The following SPG21 variants were observed in gnomAD, a reference collection of about 807,000 sequenced individuals.
SPG21 encodes the protein SPG21 abhydrolase domain containing, maspardin.
A neutral mutation model predicts 38.9 loss-of-function variants in SPG21; 26 were observed. The observed-to-expected ratio is 0.67, with a 90% CI of 0.49 to 0.93. The LOEUF (loss-of-function observed/expected upper bound fraction) is 0.93, where lower values mean the gene tolerates loss of function less well. SPG21 is among the 40% of genes least tolerant of loss of function. SPG21 has a pLI of 0.00. For missense variants in SPG21, 333 were observed against 376.5 expected (o/e 0.88, Z 0.96); for synonymous variants, 136 against 128.9 (o/e 1.05, Z -0.37).
rs545694322 is a variant in SPG21 at position 64,971,818 on chromosome 15, G to A, written c.453-1596C>T. On this transcript the variant is annotated intron_variant, in intron 5 of 8. Transcript: ENST00000204566. ...TGCACTCCAGCCTGGGCAACAGAGC[G>A]AGACTCCCATCTCAAAAAAGAAAAT... 7.6e-4 allele frequency among the ~76,000 whole-genome samples: 116 copies of A among 152,240 alleles called. 1 individual carries two copies. The highest frequency in any genetic ancestry group is 2.5e-3 in the African/African-American group (105 of 41,540).
At chr15:64,966,856 G>A (rs1339087038) in intron 7 of SPG21, among the ~76,000 whole-genome samples, 5 of 152,128 alleles carry the variant, frequency 3.3e-5, no homozygotes, top group East Asian at 1.9e-4. Context: ...CCAAGATCGC[G>A]CCACTGCACT....
intron 7 of SPG21, among the ~76,000 whole-genome samples, chr15:64,966,137 T>C (rs2085536434): frequency 6.6e-6 from 1 of 152,206 alleles, no homozygotes; most frequent in African/African-American, 2.4e-5. Flanking sequence ...AAAAGAACTT[T>C]TTACTTTTAT....
At chr15:64,977,704 A>C (rs991913566) in intron 3 of SPG21, among the ~76,000 whole-genome samples, 5 of 151,662 alleles carry the variant, frequency 3.3e-5, no homozygotes, top group African/African-American at 4.8e-5. Flanking sequence ...TGTTTGTGAC[A>C]AAAGAAGTAT....
chr15:64,973,543 C>G (rs2085714215), intron 5 of SPG21, among the ~76,000 whole-genome samples: 1 of 151,766 alleles, frequency 6.6e-6, no homozygotes, highest in Admixed American at 6.6e-5. Context: ...CCTCCGCATC[C>G]TGGGTTCAAG....
intron 5 of SPG21, among the ~76,000 whole-genome samples, chr15:64,972,394 C>T (rs973376667): frequency 6.6e-6 from 1 of 152,182 alleles, no homozygotes; most frequent in African/African-American, 2.4e-5. Flanking sequence ...TCTTGGCATT[C>T]TAACAATTAG....
intron 1 of SPG21, among the ~76,000 whole-genome samples, chr15:64,988,464 G>A (rs939702441): frequency 6.6e-6 from 1 of 152,194 alleles, no homozygotes; most frequent in African/African-American, 2.4e-5. Context: ...GAAGCTGAGA[G>A]TCTCTGGGAG....
chr15:64,987,221 A>G (rs748430893), intron 1 of SPG21: 1 of 152,236 alleles, frequency 6.6e-6, no homozygotes, highest in Admixed American at 6.5e-5. Flanking sequence ...CAACGTGTTA[A>G]AAGTAATCTT....
intron 3 of SPG21, among the ~76,000 whole-genome samples, chr15:64,980,537 G>C (rs1347762126): frequency 2.6e-5 from 4 of 152,062 alleles, no homozygotes; most frequent in Non-Finnish European, 5.9e-5. Context: ...AGGAGTTCGA[G>C]ACCAGCCTGG....
intron 5 of SPG21, among the ~76,000 whole-genome samples, 155 bp downstream of exon 5, chr15:64,974,447 C>G (rs1031011662): frequency 1.3e-5 from 2 of 152,056 alleles, no homozygotes; most frequent in African/African-American, 4.8e-5. Flanking sequence ...TGCACTTCAG[C>G]CTGGGTGACA....
At chr15:64,964,653 C>G (rs928418918) in intron 8 of SPG21, among the ~76,000 whole-genome samples, 1 of 151,536 alleles carries the variant, frequency 6.6e-6, no homozygotes, top group Non-Finnish European at 1.5e-5. Flanking sequence ...TTTTTTGAGA[C>G]GGAGTCTTGT....
intron 8 of SPG21, among the ~76,000 whole-genome samples, chr15:64,964,751 C>T (rs2085511337): frequency 6.6e-6 from 1 of 152,084 alleles, no homozygotes; most frequent in Non-Finnish European, 1.5e-5. Flanking sequence ...CTGCCTCAGC[C>T]TCCCGAGTAG....
chr15:64,965,329 A>G lies in SPG21; in HGVS notation c.801T>C (p.Leu267=). 6.2e-7 allele frequency: 1 copy of G among 1,614,186 alleles called. No homozygotes were observed. Among genetic ancestry groups the G allele is most frequent in the East Asian group, 2.2e-5 (1 of 44,878 alleles). The change falls in exon 8 of 9, where the codon CTT becomes CTC. Residue 267 remains leucine (L), a synonymous_variant. Transcript: ENST00000204566. ...PYLCRSAEVN[L]YVQIHLLQFH... The stretch of plus-strand genomic sequence containing the variant: ...TCAAGCTAGGCCTTACCTGTACATA[A>G]AGATTGACCTCTGCACTTCTGCACA...
chr15:64,968,359 AG>A (rs563342100), intron 7 of SPG21, among the ~76,000 whole-genome samples: 1 of 150,690 alleles, frequency 6.6e-6, no homozygotes, highest in East Asian at 1.9e-4. Flanking sequence ...AAAAAAAAAA[AG>A]AAAGAAATGA....
In SPG21 at chr15:64,978,451, A is replaced by G. The variant is rs144148249; in HGVS notation, c.226-1896T>C. On this transcript the variant is annotated intron_variant, in intron 3 of 8. Coordinates refer to ENST00000204566, the MANE Select transcript of SPG21 (RefSeq NM_016630.7). ...TGACAGAGTGAGACTCCATCTCCAA[A>G]AAACAAAAACAAAAACAAAAAAACT... Among the ~76,000 whole-genome samples the G allele has an allele frequency of 2.0e-3, 300 of 152,088 alleles. 1 individual carries two copies. Among genetic ancestry groups the G allele is most frequent in the African/African-American group, 7.0e-3 (291 of 41,502 alleles).
intron 2 of SPG21, among the ~76,000 whole-genome samples, chr15:64,982,436 A>G (rs752804294): frequency 6.6e-6 from 1 of 152,144 alleles, no homozygotes; most frequent in Non-Finnish European, 1.5e-5. Context: ...GCACAGCACC[A>G]TGCCTGGCTA....
intron 3 of SPG21, 69 bp downstream of exon 3, chr15:64,980,795 G>A (rs2085868665): frequency 6.5e-7 from 1 of 1,529,750 alleles, no homozygotes; most frequent in Non-Finnish European, 9.0e-7. Context: ...TATAGCTGAT[G>A]AGAGACAGAA....
rs2086083252 is a variant in SPG21 at position 64,989,882 on chromosome 15, G to A, written c.-242C>T. 6.6e-6 allele frequency: 1 copy of A among 152,050 alleles called. No homozygotes were observed. The highest frequency in any genetic ancestry group is 2.4e-5 in the African/African-American group (1 of 41,418). The allele number at this position is 152,050 out of a possible 1,614,324, so 9.4% of individuals were successfully genotyped here. A position where few individuals can be genotyped will look rare whatever the true frequency, so the allele number is the denominator to read the frequency against. The stretch of plus-strand genomic sequence containing the variant: ...GAGCTTGGGCCGCCGCGCTCCCCCC[G>A]CCCGACCGCCGCTCAGCTGGCGCGA... On this transcript the variant is annotated 5_prime_UTR_variant, in exon 1 of 9. Coordinates refer to ENST00000204566, the MANE Select transcript of SPG21 (RefSeq NM_016630.7).
At chr15:64,974,885 G>A (rs2140427815) in intron 4 of SPG21, 138 bp from the exon 5 acceptor site, 1 of 946,254 alleles carries the variant, frequency 1.1e-6, no homozygotes, top group East Asian at 2.6e-5. Flanking sequence ...ACAGCAGCTA[G>A]AAATTTAGAA....
chr15:64,971,027 A>C (rs1333181460), intron 5 of SPG21, among the ~76,000 whole-genome samples: 2 of 151,934 alleles, frequency 1.3e-5, no homozygotes, highest in Non-Finnish European at 2.9e-5. Context: ...GGCGTGAGCC[A>C]CTCCTGGCCT....
Sources: gnomAD v4.1 joint callset for allele counts (sites outside exome capture counted in the v4.1 genomes callset) on GRCh38, gnomAD v4.1.1 for gene constraint, MANE v1.5 for transcripts, NCBI Gene and HGNC (gene_info 2026-07-23, HGNC 2026-07-21) for gene names.